CD96: variants seen among roughly 807,000 people sequenced by gnomAD.
CD96 encodes the protein CD96 molecule.
In CD96, 70 loss-of-function variants were observed where a neutral mutation model predicts 71.3. The observed-to-expected ratio is 0.98, with a 90% CI of 0.81 to 1.20. The LOEUF (loss-of-function observed/expected upper bound fraction) is 1.20. CD96 is among the 50% of genes most tolerant of loss of function. The pLI is 0.00. For synonymous variants in CD96, 248 were observed against 233.0 expected, an observed-to-expected ratio of 1.06 and a Z score of -0.59; for missense variants, 742 against 677.5, an observed-to-expected ratio of 1.10 and a Z score of -1.06.
At chr3:111,602,397 T>C (rs185672216) in intron 7 of CD96, among the ~76,000 whole-genome samples, 203 of 152,276 alleles carry the variant, frequency 1.3e-3, no homozygotes, top group African/African-American at 4.7e-3. Flanking sequence ...TCCAATTGTA[T>C]AGGGCAGAGC....
intron 8 of CD96, among the ~76,000 whole-genome samples, chr3:111,608,351 A>G (rs779051796): frequency 4.6e-5 from 7 of 152,198 alleles, no homozygotes; most frequent in Non-Finnish European, 1.0e-4. Context: ...TATTTTATCT[A>G]CTAGAAGTAA....
intron 5 of CD96, among the ~76,000 whole-genome samples, chr3:111,588,507 G>T (rs1423145063): frequency 1.3e-5 from 2 of 152,088 alleles, no homozygotes; most frequent in African/African-American, 4.8e-5. Flanking sequence ...TCCAACCTCT[G>T]CCTGTTACCC....
intron 2 of CD96, 131 bp downstream of exon 2, chr3:111,545,533 A>T (rs967831114): frequency 1.4e-6 from 1 of 715,378 alleles, no homozygotes; most frequent in Non-Finnish European, 2.5e-6. Flanking sequence ...CTACTGTCTG[A>T]TAAGAGAGAC....
intron 14 of CD96, among the ~76,000 whole-genome samples, chr3:111,664,567 A>T (rs1480125960): frequency 6.6e-6 from 1 of 152,236 alleles, no homozygotes; most frequent in East Asian, 1.9e-4. Context: ...TACCATGCTC[A>T]CTACCTAAAT....
At chr3:111,561,772 G>T (rs1288607940) in intron 2 of CD96, among the ~76,000 whole-genome samples, 366 of 148,248 alleles carry the variant, frequency 2.5e-3, no homozygotes, top group African/African-American at 6.5e-3. Flanking sequence ...GTTTACCTAA[G>T]CAAGCCTGGG....
intron 5 of CD96, among the ~76,000 whole-genome samples, chr3:111,591,619 A>G (rs1472333364): frequency 1.3e-5 from 2 of 152,102 alleles, no homozygotes; most frequent in Non-Finnish European, 2.9e-5. Flanking sequence ...CTTTTGCAAC[A>G]TAATAAGGTT....
At chr3:111,585,291 G>A (rs369729143) in intron 4 of CD96, 32 bp from the exon 5 acceptor site, 4 of 1,475,228 alleles carry the variant, frequency 2.7e-6, no homozygotes, top group Middle Eastern at 1.7e-4. Flanking sequence ...ATGACATTTG[G>A]TGCCACTAAC....
At position 111,650,817 on chromosome 3, in the gene CD96, T is replaced by G. The variant is rs1940042948; in HGVS notation, c.*1011T>G. Reference sequence around the variant, plus strand: ...AAGAAACCTAGTCAGCCAGACGTGCTCTGTATTCAGCAATAGTTTGTGAAT... The same window carrying G: ...AAGAAACCTAGTCAGCCAGACGTGCGCTGTATTCAGCAATAGTTTGTGAAT... On this transcript the variant is annotated 3_prime_UTR_variant, in exon 14 of 14. Transcript: ENST00000352690. The G allele has an allele frequency of 1.3e-5, 2 of 152,226 alleles. No individual in the cohort carries two copies. The highest frequency in any genetic ancestry group is 4.1e-4 in the South Asian group (2 of 4,826). The allele number at this position is 152,226 out of a possible 1,614,324, so 9.4% of individuals were successfully genotyped here.
intron 2 of CD96, among the ~76,000 whole-genome samples, chr3:111,559,075 G>A (rs1935240093): frequency 6.6e-6 from 1 of 151,734 alleles, no homozygotes; most frequent in South Asian, 2.1e-4. Context: ...ATTTTTTATT[G>A]TGTCTATTTG....
intron 5 of CD96, chr3:111,594,077 A>G (rs1278780432): frequency 6.2e-7 from 1 of 1,614,186 alleles, no homozygotes; most frequent in Non-Finnish European, 8.5e-7. Context: ...TGGAGTGGGC[A>G]TAGCACTCAC....
intron 2 of CD96, among the ~76,000 whole-genome samples, chr3:111,565,642 C>A (rs1011710867): frequency 6.6e-6 from 1 of 151,908 alleles, no homozygotes; most frequent in African/African-American, 2.4e-5. Context: ...ATAGAAACAA[C>A]TCCATTTGGA....
At chr3:111,602,930 A>G (rs568201458) in intron 7 of CD96, among the ~76,000 whole-genome samples, 1 of 152,250 alleles carries the variant, frequency 6.6e-6, no homozygotes, top group African/African-American at 2.4e-5. Flanking sequence ...AAAGGGTATT[A>G]ATGTTGGAGA....
chr3:111,561,626 G>A (rs1935414376), intron 2 of CD96, among the ~76,000 whole-genome samples: 1 of 142,124 alleles, frequency 7.0e-6, no homozygotes, highest in Non-Finnish European at 1.6e-5. Flanking sequence ...GTCAGACAGG[G>A]ACATTTAAGT....
At chr3:111,564,879 G>A (rs1935632714) in intron 2 of CD96, among the ~76,000 whole-genome samples, 1 of 152,078 alleles carries the variant, frequency 6.6e-6, no homozygotes, top group African/African-American at 2.4e-5. Context: ...TACTTTCTGA[G>A]TGTATTTCCT....
At chr3:111,615,018 T>C (rs1938158440) in intron 8 of CD96, among the ~76,000 whole-genome samples, 2 of 152,190 alleles carry the variant, frequency 1.3e-5, no homozygotes, top group Admixed American at 6.5e-5. Context: ...CAGGTCCCAC[T>C]CCACACTGCC....
chr3:111,643,478 A>G (rs533023234), intron 12 of CD96, among the ~76,000 whole-genome samples: 20 of 152,178 alleles, frequency 1.3e-4, no homozygotes, highest in Non-Finnish European at 1.6e-4. Context: ...AGTCCTAGCC[A>G]AAGCAATCAG....
chr3:111,585,102 CT>C (rs1936645228), intron 4 of CD96, among the ~76,000 whole-genome samples: 1 of 152,110 alleles, frequency 6.6e-6, no homozygotes, highest in African/African-American at 2.4e-5. Context: ...CTGTAGATTT[CT>C]TAAGAACAGT....
chr3:111,607,097 A>G lies in CD96; in HGVS notation c.1180+305A>G, dbSNP rs761126300. The G allele has an allele frequency of 8.2e-4, 315 of 384,416 alleles. 1 individual carries two copies. Among genetic ancestry groups the G allele is most frequent in the Non-Finnish European group, 1.3e-3 (260 of 207,404 alleles). 23.8% of individuals were successfully genotyped at this position (384,416 alleles called of 1,614,324 possible). ...CTAAACATATTAAAGTATCATTCTC[A>G]TGGCTTCAAAGAGTTAACATAGCTT... On this transcript the variant is annotated intron_variant, in intron 8 of 13. Transcript: ENST00000352690.
intron 12 of CD96, among the ~76,000 whole-genome samples, chr3:111,639,991 C>T (rs1270921640): frequency 1.3e-5 from 2 of 152,174 alleles, no homozygotes; most frequent in Admixed American, 6.5e-5. Flanking sequence ...AGCCTTCAGC[C>T]CTAGACCTTC....
Sources: gnomAD v4.1 joint callset for allele counts (sites outside exome capture counted in the v4.1 genomes callset) on GRCh38, gnomAD v4.1.1 for gene constraint, MANE v1.5 for transcripts, NCBI Gene and HGNC (gene_info 2026-07-23, HGNC 2026-07-21) for gene names.